Variants in ABCC1 observed in about 807,000 individuals in gnomAD.
ABCC1 encodes the protein multidrug resistance-associated protein 1.
ABCC1 carries 83 observed loss-of-function variants against 172.9 expected under a neutral mutation model. The observed-to-expected ratio is 0.48, with a 90% CI of 0.40 to 0.58. The LOEUF (loss-of-function observed/expected upper bound fraction) is 0.58, where lower values mean the gene tolerates loss of function less well. Among genes scored for constraint, ABCC1 ranks in the 20% least tolerant of loss-of-function variants. ABCC1 has a pLI of 0.00. For synonymous variants in ABCC1, 937 were observed against 825.2 expected (o/e 1.14, Z -2.32); for missense variants, 1,817 against 2,002.7 (o/e 0.91, Z 1.77).
At chr16:16,091,519 T>A (rs548271730) in intron 19 of ABCC1, among the ~76,000 whole-genome samples, 1 of 151,888 alleles carries the variant, frequency 6.6e-6, no homozygotes, top group African/African-American at 2.4e-5. Flanking sequence ...AGGCAGGGGA[T>A]AGGGAAACCC....
chr16:16,016,473 T>C, intron 4 of ABCC1, 23 bp from the exon 5 acceptor site: 1 of 1,613,244 alleles, frequency 6.2e-7, no homozygotes, highest in Non-Finnish European at 8.5e-7. Flanking sequence ...GATCTTTTTC[T>C]TCCTTCCTTC....
rs527309926 is a variant in ABCC1, at chr16:16,112,013, T to C, written c.3079+431T>C. ...TATGGGCAGTGTTGTCCCTCAGGGA[T>C]GTTTGACAATATCTGGAGATGCTTT... On this transcript the variant is annotated intron_variant, in intron 22 of 30. Transcript: ENST00000399410. 4.6e-5 allele frequency among the ~76,000 whole-genome samples: 7 copies of C among 152,264 alleles called. No homozygotes were observed. The South Asian group carries it at 1.5e-3, about 32-fold the overall frequency.
At chr16:16,110,652 G>A (rs751942288) in intron 21 of ABCC1, among the ~76,000 whole-genome samples, 4 of 151,994 alleles carry the variant, frequency 2.6e-5, no homozygotes, top group African/African-American at 7.3e-5. Context: ...GCCTACCGAC[G>A]TGCTGGGATC....
intron 1 of ABCC1, among the ~76,000 whole-genome samples, chr16:15,961,116 G>T (rs773945293): frequency 1.3e-5 from 2 of 151,082 alleles, no homozygotes; most frequent in Non-Finnish European, 2.9e-5. Flanking sequence ...CATGTGCTGG[G>T]ATTACAGGCA....
At chr16:16,014,317 G>A (rs181315605) in intron 3 of ABCC1, among the ~76,000 whole-genome samples, 174 bp from the exon 4 acceptor site, 2 of 152,278 alleles carry the variant, frequency 1.3e-5, no homozygotes, top group African/African-American at 2.4e-5. Flanking sequence ...ATGGTGGCGG[G>A]CACCTGTAGT....
intron 12 of ABCC1, among the ~76,000 whole-genome samples, chr16:16,059,893 G>A (rs2049837375): frequency 6.6e-6 from 1 of 151,744 alleles, no homozygotes; most frequent in East Asian, 1.9e-4. Flanking sequence ...CTTTTTGGGA[G>A]GCTGAGGTAC....
intron 26 of ABCC1, among the ~76,000 whole-genome samples, chr16:16,126,316 C>T (rs1021258382): frequency 3.3e-5 from 5 of 152,162 alleles, no homozygotes; most frequent in African/African-American, 1.2e-4. Context: ...AAACAGCAGC[C>T]CTCACACTTG....
intron 3 of ABCC1, among the ~76,000 whole-genome samples, chr16:16,012,890 C>T (rs1222595733): frequency 6.6e-6 from 1 of 152,058 alleles, no homozygotes; most frequent in Non-Finnish European, 1.5e-5. Context: ...ACCATGTTGG[C>T]CAGGCTGGTC....
intron 3 of ABCC1, among the ~76,000 whole-genome samples, chr16:16,013,943 C>G (rs2047892833): frequency 6.6e-6 from 1 of 152,084 alleles, no homozygotes; most frequent in African/African-American, 2.4e-5. Flanking sequence ...GAGGCTGACC[C>G]CGGGAACGTT....
At chr16:16,047,341 G>A (rs45526533) in intron 9 of ABCC1, among the ~76,000 whole-genome samples, 3,797 of 152,196 alleles carry the variant, frequency 0.025, 59 homozygotes, top group Non-Finnish European at 0.033. Flanking sequence ...ACCCAGGCTA[G>A]AGTGCAGTGG....
intron 1 of ABCC1, among the ~76,000 whole-genome samples, chr16:15,982,180 C>T (rs944203864): frequency 2.1e-4 from 32 of 152,162 alleles, no homozygotes; most frequent in Admixed American, 5.9e-4. Flanking sequence ...CAGCCTCTGC[C>T]TGATACTCAG....
At chr16:16,103,808 G>C (rs2051904478) in intron 20 of ABCC1, among the ~76,000 whole-genome samples, 1 of 152,134 alleles carries the variant, frequency 6.6e-6, no homozygotes, top group Non-Finnish European at 1.5e-5. Flanking sequence ...TTATCATCCG[G>C]ACATGGTTAT....
At chr16:15,952,540 C>T (rs928567892) in intron 1 of ABCC1, among the ~76,000 whole-genome samples, 1 of 151,870 alleles carries the variant, frequency 6.6e-6, no homozygotes, top group Non-Finnish European at 1.5e-5. Context: ...GACAGATGCT[C>T]TGGGAAGAGA....
At chr16:16,008,842 C>CAAAAA (rs1208088210) in intron 2 of ABCC1, among the ~76,000 whole-genome samples, 2 of 60,226 alleles carry the variant, frequency 3.3e-5, no homozygotes, top group African/African-American at 1.2e-4. Context: ...GACTCCTTCT[C>CAAAAA]AAAAAAAAAA....
At chr16:16,033,975 T>C (rs2048648784) in intron 6 of ABCC1, among the ~76,000 whole-genome samples, 1 of 150,220 alleles carries the variant, frequency 6.7e-6, no homozygotes, top group South Asian at 2.1e-4. Flanking sequence ...GTTAACATCT[T>C]AGTGGGGATT....
At chr16:16,004,305 C>G (rs4781709) in intron 1 of ABCC1, among the ~76,000 whole-genome samples, 13,426 of 152,112 alleles carry the variant, frequency 0.088, 651 homozygotes, top group African/African-American at 0.11. Context: ...AACTATGTCT[C>G]TTGTATACAT....
At chr16:16,030,818 A>G (rs1040599274) in intron 5 of ABCC1, among the ~76,000 whole-genome samples, 1 of 151,944 alleles carries the variant, frequency 6.6e-6, no homozygotes, top group Non-Finnish European at 1.5e-5. Flanking sequence ...GCTTAATCAG[A>G]TTGCCTGGTG....
At chr16:16,011,243 A>C (rs1208449080) in intron 3 of ABCC1, among the ~76,000 whole-genome samples, 1 of 151,624 alleles carries the variant, frequency 6.6e-6, no homozygotes, top group Non-Finnish European at 1.5e-5. Flanking sequence ...AAAAAAGAAA[A>C]AGAAAAAAAA....
intron 21 of ABCC1, among the ~76,000 whole-genome samples, chr16:16,107,211 G>T (rs190635216): frequency 6.6e-6 from 1 of 152,248 alleles, no homozygotes; most frequent in African/African-American, 2.4e-5. Context: ...TGCAACGTGG[G>T]GTTCAGTTGT....
Sources: gnomAD v4.1 joint callset for allele counts (sites outside exome capture counted in the v4.1 genomes callset) on GRCh38, gnomAD v4.1.1 for gene constraint, MANE v1.5 for transcripts, NCBI Gene and HGNC (gene_info 2026-07-23, HGNC 2026-07-21) for gene names.